CSMD3: variants seen among roughly 807,000 people sequenced by gnomAD.
CSMD3 encodes CUB and Sushi multiple domains 3, also known as CUB and sushi domain-containing protein 3.
In CSMD3, 177 loss-of-function variants were observed where a neutral mutation model predicts 435.2. That is an observed-to-expected ratio of 0.41 (90% confidence interval 0.36 to 0.46). The LOEUF (loss-of-function observed/expected upper bound fraction) is 0.46. CSMD3 is among the 20% of genes least tolerant of loss of function. CSMD3 has a pLI of 0.34. For missense variants in CSMD3, 4,265 were observed against 4,504.6 expected (o/e 0.95, Z 1.52); for synonymous variants, 1,656 against 1,520.5 (o/e 1.09, Z -2.07).
intron 36 of CSMD3, among the ~76,000 whole-genome samples, chr8:112,384,821 C>T (rs868399396): frequency 7.2e-5 from 11 of 152,148 alleles, no homozygotes; most frequent in Non-Finnish European, 1.0e-4. Context: ...GTAGTATAAC[C>T]GCCACCTCCT....
chr8:113,179,001 A>C (rs895477436), intron 3 of CSMD3, among the ~76,000 whole-genome samples: 1 of 151,828 alleles, frequency 6.6e-6, no homozygotes, highest in African/African-American at 2.4e-5. Context: ...ACATTCTATA[A>C]ATGTACAAGT....
chr8:113,119,320 G>A (rs941869963), intron 4 of CSMD3, among the ~76,000 whole-genome samples: 1 of 152,048 alleles, frequency 6.6e-6, no homozygotes, highest in Non-Finnish European at 1.5e-5. Flanking sequence ...TCTAACAATA[G>A]CTCTAAGAGA....
At chr8:113,435,392 C>T (rs2094699428) in intron 1 of CSMD3, among the ~76,000 whole-genome samples, 2 of 152,164 alleles carry the variant, frequency 1.3e-5, no homozygotes, top group Non-Finnish European at 2.9e-5. Context: ...GTAACCTCTC[C>T]AGCTCCCTCC....
intron 5 of CSMD3, among the ~76,000 whole-genome samples, chr8:113,076,254 A>G (rs931125044): frequency 6.6e-6 from 1 of 151,582 alleles, no homozygotes; most frequent in Non-Finnish European, 1.5e-5. Context: ...GCATAGACAC[A>G]ATTATCCTTT....
intron 10 of CSMD3, among the ~76,000 whole-genome samples, chr8:112,861,787 T>C (rs1179116508): frequency 1.3e-5 from 2 of 151,922 alleles, no homozygotes; most frequent in Admixed American, 6.6e-5. Context: ...AATTGGTTTG[T>C]AGTGGCTATA....
chr8:112,425,908 T>C (rs1384406244), intron 32 of CSMD3, among the ~76,000 whole-genome samples: 1 of 152,204 alleles, frequency 6.6e-6, no homozygotes, highest in Non-Finnish European at 1.5e-5. Context: ...AGTGTATTTT[T>C]TTAATGGGAA....
chr8:113,353,332 G>A (rs2132928113), intron 1 of CSMD3, among the ~76,000 whole-genome samples: 1 of 152,220 alleles, frequency 6.6e-6, no homozygotes, highest in Middle Eastern at 3.4e-3. Context: ...TTTTGCATAT[G>A]AATGATAGGA....
At chr8:112,899,539 CTA>C (rs1374024211) in intron 10 of CSMD3, among the ~76,000 whole-genome samples, 4 of 137,746 alleles carry the variant, frequency 2.9e-5, no homozygotes, top group Non-Finnish European at 6.3e-5. Context: ...TAGAAATATA[CTA>C]TATATATTTT....
At chr8:112,507,005 G>A (rs1461435690) in intron 28 of CSMD3, among the ~76,000 whole-genome samples, 176 bp from the exon 29 acceptor site, 1 of 152,026 alleles carries the variant, frequency 6.6e-6, no homozygotes, top group Non-Finnish European at 1.5e-5. Flanking sequence ...TTAAAATATT[G>A]AATACATGCA....
At chr8:112,809,484 G>A (rs1204503334) in intron 12 of CSMD3, among the ~76,000 whole-genome samples, 1 of 152,134 alleles carries the variant, frequency 6.6e-6, no homozygotes, top group African/African-American at 2.4e-5. Context: ...TCAACTGAAA[G>A]AAGAAATTCT....
At chr8:112,693,138 G>T (rs1235133340) in intron 13 of CSMD3, among the ~76,000 whole-genome samples, 1 of 151,976 alleles carries the variant, frequency 6.6e-6, no homozygotes, top group African/African-American at 2.4e-5. Context: ...AAACAGACAA[G>T]GATTTCTGCT....
At chr8:113,397,799 G>A (rs925552339) in intron 1 of CSMD3, among the ~76,000 whole-genome samples, 4 of 150,400 alleles carry the variant, frequency 2.7e-5, no homozygotes, top group Non-Finnish European at 4.4e-5. Flanking sequence ...GCCTGGACGC[G>A]AAGGAGCGAG....
intron 13 of CSMD3, among the ~76,000 whole-genome samples, chr8:112,697,373 T>C (rs956359913): frequency 2.6e-4 from 40 of 152,246 alleles, no homozygotes; most frequent in Middle Eastern, 6.8e-3. Flanking sequence ...GTGGCACATA[T>C]ACACCATGGA....
chr8:113,314,016 A>C (rs2093890471), intron 2 of CSMD3: 1 of 152,180 alleles, frequency 6.6e-6, no homozygotes, highest in African/African-American at 2.4e-5. Flanking sequence ...ACATCTGTTT[A>C]ATCAATAAGC....
In CSMD3 at chr8:113,098,793, A is replaced by G; in HGVS notation, c.880T>C (p.Tyr294His). ...GGCTCAGAACCTTCTATTTCTAAGT[A>G]ATCATATTTCTCTTCCATTTGAAAA... ...TDFQMEEKYD[Y>H]LEIEGSEPPT... is the part of the protein sequence containing the mutation. Residue 294 changes from tyrosine (Y) to histidine (H), a missense_variant, in exon 5 of 71, where the codon TAC (tyrosine) becomes CAC (histidine). This residue lies in a region of CSMD3 where 731 missense variants were observed against 755.4 expected (regional missense o/e 0.97). Transcript: ENST00000297405. The G allele has an allele frequency of 6.2e-7, 1 of 1,612,420 alleles. No individual in the cohort carries two copies. Among genetic ancestry groups the G allele is most frequent in the Non-Finnish European group, 8.5e-7 (1 of 1,178,752 alleles).
In CSMD3 at chr8:113,075,009, C is replaced by T. The variant is rs927392665; in HGVS notation, c.917+23747G>A. 5.9e-5 allele frequency among the ~76,000 whole-genome samples: 9 copies of T among 151,654 alleles called. No homozygotes were observed. The South Asian group carries it at 8.3e-4, about 14-fold the overall frequency. ...ATAATTTATGATAATTTTTTGTAGGCTTTTGATAAGGACCTACATTTTCAT... is the reference window on the plus strand; with the variant it reads ...ATAATTTATGATAATTTTTTGTAGGTTTTTGATAAGGACCTACATTTTCAT... On this transcript the variant is annotated intron_variant, in intron 5 of 70. Coordinates refer to ENST00000297405, the MANE Select transcript of CSMD3 (RefSeq NM_198123.2).
At chr8:112,826,517 G>A (rs2079685591) in intron 12 of CSMD3, among the ~76,000 whole-genome samples, 1 of 152,104 alleles carries the variant, frequency 6.6e-6, no homozygotes, top group African/African-American at 2.4e-5. Flanking sequence ...AAAAAACATG[G>A]TTTCTCAGGC....
Position 112,231,544 on chromosome 8 carries a change from C to T in CSMD3, c.10828+1G>A, listed in dbSNP as rs148762244. 1.3e-6 allele frequency: 2 copies of T among 1,564,120 alleles called. No homozygotes were observed. The highest frequency in any genetic ancestry group is 1.8e-6 in the Non-Finnish European group (2 of 1,134,644). On this transcript the variant is annotated splice_donor_variant, in intron 69 of 70. Transcript: ENST00000297405. LOFTEE classifies it high-confidence loss of function. ...CGTGAAAATCAAAATGAATACATTA[C>T]CCAGTCTTTGTAGGCCAAATTGTCC...
chr8:112,394,111 C>T (rs1333055813), intron 35 of CSMD3, among the ~76,000 whole-genome samples: 3 of 152,140 alleles, frequency 2.0e-5, no homozygotes, highest in Non-Finnish European at 4.4e-5. Context: ...CACTCTCTTT[C>T]ATCTTAGGGA....
Sources: gnomAD v4.1 joint callset for allele counts (sites outside exome capture counted in the v4.1 genomes callset) on GRCh38, gnomAD v4.1.1 for gene constraint, gnomAD v4.1.1 regional missense constraint, MANE v1.5 for transcripts, NCBI Gene and HGNC (gene_info 2026-07-23, HGNC 2026-07-21) for gene names.